CDYL: variants seen among roughly 807,000 people sequenced by gnomAD.
CDYL encodes the protein chromodomain Y-like protein.
Under a neutral mutation model 47.3 loss-of-function variants are expected in CDYL, and 8 were observed. That is an observed-to-expected ratio of 0.17 (90% confidence interval 0.10 to 0.31). The LOEUF is 0.31. CDYL is among the 10% of genes least tolerant of loss of function. The probability of loss-of-function intolerance (pLI) is 1.00; values close to 1 mark genes in which losing one functional copy is unlikely to be tolerated. For synonymous variants in CDYL, 266 were observed against 265.0 expected (o/e 1.00, Z -0.04); for missense variants, 471 against 701.4 (o/e 0.67, Z 3.71).
At chr6:4,786,341 G>C (rs1301193836) in intron 1 of CDYL, among the ~76,000 whole-genome samples, 1 of 152,156 alleles carries the variant, frequency 6.6e-6, no homozygotes, top group African/African-American at 2.4e-5. Flanking sequence ...TGATGTTTCA[G>C]GAAGCTGAGC....
Position 4,807,824 on chromosome 6 carries a change from T to A in CDYL, c.24+31017T>A, listed in dbSNP as rs1489781728. On this transcript the variant is annotated intron_variant, in intron 1 of 6. Transcript: ENST00000397588. ...TCTTGCTATGTTGCCCGTGCTGGTC[T>A]TGAACTCCTTGGGGTCAAGCGATCC... 2.6e-5 allele frequency among the ~76,000 whole-genome samples: 4 copies of A among 152,148 alleles called. No homozygotes were observed. In the South Asian group the frequency reaches 8.3e-4, roughly 32 times the overall value.
chr6:4,738,859 A>T (rs183441686), intron 3 of CDYL, among the ~76,000 whole-genome samples: 1 of 152,226 alleles, frequency 6.6e-6, no homozygotes, highest in African/African-American at 2.4e-5. Context: ...AGCGACATCA[A>T]GGAATTATTA....
intron 3 of CDYL, among the ~76,000 whole-genome samples, chr6:4,752,386 G>C (rs985705804): frequency 3.3e-5 from 5 of 152,162 alleles, no homozygotes; most frequent in African/African-American, 1.2e-4. Flanking sequence ...TCTTTCACCT[G>C]CTGGCTTGAC....
chr6:4,763,950 CA>C (rs1758214043), intron 3 of CDYL, among the ~76,000 whole-genome samples: 1 of 151,542 alleles, frequency 6.6e-6, no homozygotes, highest in African/African-American at 2.4e-5. Context: ...CCCCCAACCC[CA>C]AAAAAGAAAA....
At chr6:4,756,919 T>C (rs183868511) in intron 3 of CDYL, among the ~76,000 whole-genome samples, 99 of 152,300 alleles carry the variant, frequency 6.5e-4, no homozygotes, top group African/African-American at 2.2e-3. Flanking sequence ...TCATAGCTTA[T>C]TACAAGAGAA....
At chr6:4,953,517 T>C (rs11756399) in intron 6 of CDYL, among the ~76,000 whole-genome samples, 6,650 of 152,334 alleles carry the variant, frequency 0.044, 213 homozygotes, top group Non-Finnish European at 0.063. Flanking sequence ...ACCCTCATTA[T>C]GAAAATTACA....
At chr6:4,903,711 C>CT (rs1399873759) in intron 2 of CDYL, among the ~76,000 whole-genome samples, 10 of 152,186 alleles carry the variant, frequency 6.6e-5, no homozygotes, top group African/African-American at 1.2e-4. Flanking sequence ...CTGGAGTCTG[C>CT]TTTACTTGAT....
chr6:4,787,738 G>C (rs1436149189), intron 1 of CDYL, among the ~76,000 whole-genome samples: 1 of 150,920 alleles, frequency 6.6e-6, no homozygotes, highest in Non-Finnish European at 1.5e-5. Flanking sequence ...AGGTGGAGGT[G>C]CGGACAGGCT....
In CDYL at chr6:4,715,882, G is replaced by C. The variant is rs141268596; in HGVS notation, c.103+1G>C. 1.7e-4 allele frequency: 280 copies of C among 1,613,074 alleles called. No individual in the cohort carries two copies. The highest frequency in any genetic ancestry group is 2.2e-4 in the Non-Finnish European group (261 of 1,179,562). Reference sequence around the variant, plus strand: ...AAGTTATTCCTGAAGAGAAACAACGGTAAGAACTTGCAGGAATCAAATTAG... The same window carrying C: ...AAGTTATTCCTGAAGAGAAACAACGCTAAGAACTTGCAGGAATCAAATTAG... On this transcript the variant is annotated splice_donor_variant, in intron 2 of 8. Coordinates refer to the CDYL transcript ENST00000328908. LOFTEE classifies it high-confidence loss of function.
At chr6:4,733,873 A>G (rs1204399574) in intron 2 of CDYL, among the ~76,000 whole-genome samples, 2 of 131,948 alleles carry the variant, frequency 1.5e-5, no homozygotes, top group African/African-American at 5.8e-5. Flanking sequence ...TTTTCTTGAG[A>G]CAGAGTCTCA....
At chr6:4,782,839 C>T (rs1464282135) in intron 1 of CDYL, among the ~76,000 whole-genome samples, 2 of 151,882 alleles carry the variant, frequency 1.3e-5, no homozygotes, top group African/African-American at 4.9e-5. Flanking sequence ...GAACTGTCCT[C>T]TGCCACAAAT....
intron 4 of CDYL, among the ~76,000 whole-genome samples, chr6:4,942,807 C>G (rs1020711158): frequency 1.3e-5 from 2 of 152,224 alleles, no homozygotes; most frequent in African/African-American, 4.8e-5. Flanking sequence ...TGCCCCACGC[C>G]TGACCCCACT....
In CDYL at chr6:4,721,724, C is replaced by G. The variant is rs189229694; in HGVS notation, c.103+5843C>G. On this transcript the variant is annotated intron_variant, in intron 2 of 8. Coordinates refer to the CDYL transcript ENST00000328908. ...ACTTACACGTCACTGCTTGCTGTCT[C>G]ACACTTCCTTGGGTGAATTCCCTGG... 9.9e-5 allele frequency among the ~76,000 whole-genome samples: 15 copies of G among 152,190 alleles called. No homozygotes were observed. In the East Asian group the frequency reaches 2.9e-3, roughly 30 times the overall value.
At chr6:4,725,570 T>A (rs1757495288) in intron 2 of CDYL, among the ~76,000 whole-genome samples, 2 of 152,212 alleles carry the variant, frequency 1.3e-5, no homozygotes, top group Admixed American at 1.3e-4. Context: ...CGGGGCTTGC[T>A]GGTGGACCTG....
chr6:4,757,663 T>G lies in CDYL; in HGVS notation c.186+22819T>G, dbSNP rs1758094956. The stretch of plus-strand genomic sequence containing the variant: ...CTCATTATTTAAGTGAAAAACTGTC[T>G]TTTCTACAAATGAAAAGAAAACTCT... On this transcript the variant is annotated intron_variant, in intron 3 of 8. Coordinates refer to the CDYL transcript ENST00000328908. Among the ~76,000 whole-genome samples the G allele has an allele frequency of 1.3e-5, 2 of 152,252 alleles. 1 individual carries two copies. Among genetic ancestry groups the G allele is most frequent in the South Asian group, 4.1e-4 (2 of 4,834 alleles).
At chr6:4,894,456 A>G (rs1469394402) in intron 2 of CDYL, among the ~76,000 whole-genome samples, 3 of 152,138 alleles carry the variant, frequency 2.0e-5, no homozygotes, top group African/African-American at 7.2e-5. Flanking sequence ...CTGATTTTGG[A>G]AAAAGAAAAA....
At chr6:4,798,664 C>T (rs562798935) in intron 1 of CDYL, among the ~76,000 whole-genome samples, 8 of 152,216 alleles carry the variant, frequency 5.3e-5, no homozygotes, top group Non-Finnish European at 7.3e-5. Flanking sequence ...TTTCACATCA[C>T]AGTTAATGCT....
At chr6:4,828,194 T>C (rs1025052271) in intron 1 of CDYL, among the ~76,000 whole-genome samples, 4 of 151,342 alleles carry the variant, frequency 2.6e-5, no homozygotes, top group African/African-American at 9.8e-5. Flanking sequence ...TCCCCCTCAG[T>C]TTCAACGTTA....
chr6:4,734,836 G>T, exon 3 of CDYL: 1 of 1,614,054 alleles, frequency 6.2e-7, no homozygotes, highest in Non-Finnish European at 8.5e-7. Flanking sequence ...GCAGCCTCCC[G>T]CTTTACAGGT....
Sources: gnomAD v4.1 joint callset for allele counts (sites outside exome capture counted in the v4.1 genomes callset) on GRCh38, gnomAD v4.1.1 for gene constraint, MANE v1.5 for transcripts, NCBI Gene and HGNC (gene_info 2026-07-23, HGNC 2026-07-21) for gene names.